ME1: variants seen among roughly 807,000 people sequenced by gnomAD.
ME1 encodes malic enzyme 1.
Under a neutral mutation model 66.4 loss-of-function variants are expected in ME1, and 74 were observed. The ratio of observed to expected loss-of-function variants is 1.11; its 90% CI spans 0.92 to 1.35. ME1 has a LOEUF of 1.35. Among genes scored for constraint, ME1 ranks in the 40% most tolerant of loss-of-function variants. The probability of loss-of-function intolerance (pLI) is 0.00; values close to 1 mark genes in which losing one functional copy is unlikely to be tolerated. For synonymous variants in ME1, 251 were observed against 235.6 expected, an observed-to-expected ratio of 1.07 and a Z score of -0.60; for missense variants, 750 against 694.1, an observed-to-expected ratio of 1.08 and a Z score of -0.90.
chr6:83,346,434 C>A, intron 4 of ME1, 100 bp from the exon 5 acceptor site: 1 of 660,616 alleles, frequency 1.5e-6, no homozygotes, highest in Non-Finnish European at 2.3e-6. Flanking sequence ...AAATAGTAAG[C>A]TGTTAAAAAA....
At chr6:83,213,805 G>T (rs1181711967) in intron 13 of ME1, among the ~76,000 whole-genome samples, 2 of 152,012 alleles carry the variant, frequency 1.3e-5, no homozygotes, top group Non-Finnish European at 2.9e-5. Flanking sequence ...TGAATACTGT[G>T]CTGTATTATG....
At chr6:83,398,886 G>A (rs574644196) in intron 2 of ME1, among the ~76,000 whole-genome samples, 5 of 151,386 alleles carry the variant, frequency 3.3e-5, no homozygotes, top group Non-Finnish European at 5.9e-5. Flanking sequence ...GGTGGATCAC[G>A]AGGTCAGGAG....
At chr6:83,340,825 TA>T (rs1768566326) in intron 5 of ME1, among the ~76,000 whole-genome samples, 2 of 152,188 alleles carry the variant, frequency 1.3e-5, no homozygotes, top group Admixed American at 6.6e-5. Context: ...ATCAAATCCT[TA>T]ATCTTATCTG....
At chr6:83,323,884 ATTC>A (rs1346344447) in intron 5 of ME1, among the ~76,000 whole-genome samples, 1 of 152,198 alleles carries the variant, frequency 6.6e-6, no homozygotes, top group Non-Finnish European at 1.5e-5. Flanking sequence ...CAGAGTATAC[ATTC>A]TTCTTAGCAC....
At position 83,223,941 on chromosome 6, in the gene ME1, A is replaced by G; in HGVS notation, c.1276-8T>C. 1 of 1,612,844 alleles carries G rather than the reference A, an allele frequency of 6.2e-7. No homozygotes were observed. Among genetic ancestry groups the G allele is most frequent in the African/African-American group, 1.3e-5 (1 of 75,014 alleles). On this transcript the variant is annotated splice_region_variant and splice_polypyrimidine_tract_variant and intron_variant, in intron 11 of 13. Transcript: ENST00000369705. ...GGCAAAAATTGCACGTCCCTACAAC[A>G]AAGACACATACAACTCACTTTAAAA...
At chr6:83,379,600 T>C (rs553604949) in intron 3 of ME1, among the ~76,000 whole-genome samples, 4 of 152,220 alleles carry the variant, frequency 2.6e-5, no homozygotes, top group African/African-American at 9.6e-5. Context: ...ATATTTATAA[T>C]ACATAATTTA....
intron 6 of ME1, among the ~76,000 whole-genome samples, chr6:83,281,409 A>T (rs921248475): frequency 6.6e-6 from 1 of 152,218 alleles, no homozygotes; most frequent in Admixed American, 6.5e-5. Flanking sequence ...TAACTCATCT[A>T]ACAACATTAC....
chr6:83,269,329 C>G (rs1767047056), intron 6 of ME1, among the ~76,000 whole-genome samples: 1 of 151,906 alleles, frequency 6.6e-6, no homozygotes, highest in Non-Finnish European at 1.5e-5. Context: ...ATGCAAGTAA[C>G]ATTAAGGGAT....
At chr6:83,334,008 T>A (rs1325431455) in intron 5 of ME1, among the ~76,000 whole-genome samples, 1 of 151,730 alleles carries the variant, frequency 6.6e-6, no homozygotes, top group Non-Finnish European at 1.5e-5. Context: ...GCTCCCAGCG[T>A]GAGCGACGCA....
intron 5 of ME1, among the ~76,000 whole-genome samples, chr6:83,318,293 T>C (rs1199796350): frequency 2.2e-5 from 3 of 134,498 alleles, no homozygotes; most frequent in East Asian, 4.3e-4. Flanking sequence ...AAAGACAAAA[T>C]TGACAAATGG....
At chr6:83,412,993 T>C (rs565151886) in intron 1 of ME1, among the ~76,000 whole-genome samples, 20 of 152,232 alleles carry the variant, frequency 1.3e-4, no homozygotes, top group Non-Finnish European at 1.9e-4. Flanking sequence ...TTAGACTCTA[T>C]AGAGTCAATT....
intron 1 of ME1, among the ~76,000 whole-genome samples, chr6:83,408,102 A>G (rs1769982538): frequency 6.6e-6 from 1 of 152,202 alleles, no homozygotes; most frequent in Non-Finnish European, 1.5e-5. Context: ...GAATACTATA[A>G]TATTTCAGAG....
intron 5 of ME1, among the ~76,000 whole-genome samples, chr6:83,332,440 A>G (rs955853220): frequency 6.6e-6 from 1 of 152,228 alleles, no homozygotes; most frequent in Non-Finnish European, 1.5e-5. Flanking sequence ...ATTATATCAA[A>G]AAGACACCTG....
chr6:83,289,579 T>C (rs191449177), intron 6 of ME1, among the ~76,000 whole-genome samples: 10 of 152,232 alleles, frequency 6.6e-5, no homozygotes, highest in African/African-American at 2.4e-4. Flanking sequence ...ATCAGGGATA[T>C]TGGCCTGAAA....
At chr6:83,218,210 T>C (rs1031669959) in intron 12 of ME1, among the ~76,000 whole-genome samples, 14 of 152,034 alleles carry the variant, frequency 9.2e-5, no homozygotes, top group Non-Finnish European at 1.8e-4. Context: ...CCTCAGAAAG[T>C]AGAATCAGCC....
At chr6:83,383,458 G>A (rs35281711) in intron 3 of ME1, among the ~76,000 whole-genome samples, 38,611 of 151,554 alleles carry the variant, frequency 0.25, 5,664 homozygotes, top group Middle Eastern at 0.46. Context: ...ACTAGTACAA[G>A]CACCCAATTA....
At chr6:83,255,572 T>C (rs1288240993) in intron 6 of ME1, among the ~76,000 whole-genome samples, 1 of 152,074 alleles carries the variant, frequency 6.6e-6, no homozygotes, top group Non-Finnish European at 1.5e-5. Context: ...AAATCTGGTA[T>C]ACTTTTACTG....
intron 1 of ME1, among the ~76,000 whole-genome samples, chr6:83,417,503 C>T (rs1420484229): frequency 6.6e-6 from 1 of 152,104 alleles, no homozygotes; most frequent in Non-Finnish European, 1.5e-5. Flanking sequence ...GCCTCAGCCT[C>T]CTAAGCAGGT....
At chr6:83,361,114 A>G (rs961169611) in intron 3 of ME1, among the ~76,000 whole-genome samples, 1 of 152,252 alleles carries the variant, frequency 6.6e-6, no homozygotes, top group Non-Finnish European at 1.5e-5. Flanking sequence ...CATTGATGAC[A>G]TTATGCTGAT....
Sources: allele counts gnomAD v4.1 joint callset (sites outside exome capture counted in the v4.1 genomes callset), GRCh38; gene constraint gnomAD v4.1.1; transcripts MANE v1.5; gene names NCBI Gene and HGNC (gene_info 2026-07-23, HGNC 2026-07-21).